The following CNTN1 variants were observed in gnomAD, a reference collection of about 807,000 sequenced individuals.
CNTN1 encodes contactin-1.
Under a neutral mutation model 126.4 loss-of-function variants are expected in CNTN1, and 38 were observed. The ratio of observed to expected loss-of-function variants is 0.30; its 90% CI spans 0.23 to 0.39. CNTN1 has a LOEUF of 0.39. CNTN1 is among the 10% of genes least tolerant of loss of function. CNTN1 has a pLI of 1.00. For missense variants in CNTN1, 1,009 were observed against 1,248.4 expected, an observed-to-expected ratio of 0.81 and a Z score of 2.89; for synonymous variants, 413 against 422.6, an observed-to-expected ratio of 0.98 and a Z score of 0.28.
chr12:40,830,483 T>A (rs1313298317), intron 1 of CNTN1, among the ~76,000 whole-genome samples: 1 of 151,596 alleles, frequency 6.6e-6, no homozygotes, highest in African/African-American at 2.4e-5. Context: ...ACATCAAACA[T>A]AAGATTTTGA....
intron 15 of CNTN1, among the ~76,000 whole-genome samples, chr12:40,965,468 T>G (rs972693938): frequency 6.6e-6 from 1 of 152,230 alleles, no homozygotes; most frequent in African/African-American, 2.4e-5. Context: ...TTACTAATTT[T>G]TACTAAATAG....
intron 1 of CNTN1, among the ~76,000 whole-genome samples, chr12:40,823,117 T>G (rs73116800): frequency 0.022 from 3,412 of 152,276 alleles, 120 homozygotes; most frequent in African/African-American, 0.078. Flanking sequence ...TATATTTTAG[T>G]AACATAATAA....
intron 1 of CNTN1, among the ~76,000 whole-genome samples, chr12:40,887,524 G>T (rs912382853): frequency 2.6e-5 from 4 of 152,090 alleles, no homozygotes; most frequent in Non-Finnish European, 5.9e-5. Flanking sequence ...ACAGGTGCTG[G>T]AGAGGATGTG....
rs865786996 is a variant in CNTN1 at position 40,944,028 on chromosome 12, C to T, written c.1541C>T (p.Ala514Val). Reference sequence around the variant, plus strand: ...CGAATTATATTGGCCCCAATTAATGCCGATATCACAGTTGGAGAAAACGCC... The same window carrying T: ...CGAATTATATTGGCCCCAATTAATGTCGATATCACAGTTGGAGAAAACGCC... Reference protein sequence around the residue: ...PTRIILAPINADITVGENATM... With the variant: ...PTRIILAPINVDITVGENATM... Residue 514 changes from alanine to valine, a missense_variant, in exon 14 of 24, where the codon GCC (alanine) becomes GTC (valine). Coordinates refer to ENST00000551295, the MANE Select transcript of CNTN1 (RefSeq NM_001843.4). 6.2e-7 allele frequency: 1 copy of T among 1,613,400 alleles called. No individual in the cohort carries two copies. The highest frequency in any genetic ancestry group is 1.7e-4 in the Middle Eastern group (1 of 6,060).
chr12:40,907,449 G>C (rs61153228), intron 1 of CNTN1, among the ~76,000 whole-genome samples: 37,039 of 152,066 alleles, frequency 0.24, 5,930 homozygotes, highest in African/African-American at 0.45. Flanking sequence ...TCACAGTGGT[G>C]GATTTTACCA....
chr12:41,033,179 C>T (rs1949182656), intron 23 of CNTN1, among the ~76,000 whole-genome samples: 1 of 152,182 alleles, frequency 6.6e-6, no homozygotes, highest in Admixed American at 6.5e-5. Flanking sequence ...TTATCCATTG[C>T]TTTAATAACT....
Position 41,016,762 on chromosome 12 carries a change from A to G in CNTN1, c.2265A>G (p.Lys755=). ...AGCCATTTGATGGAGAAGAATGGAA[A>G]AAAGTCACAGTTACTAATCCTGATA... ...AFKPFDGEEW[K]KVTVTNPDTG... is the part of the protein sequence containing the mutation. Residue 755 remains lysine (K), a synonymous_variant, in exon 19 of 24, where the codon AAA becomes AAG. Coordinates refer to ENST00000551295, the MANE Select transcript of CNTN1 (RefSeq NM_001843.4). 2 of 1,614,180 alleles carry G rather than the reference A, an allele frequency of 1.2e-6. No homozygotes were observed. The highest frequency in any genetic ancestry group is 1.7e-6 in the Non-Finnish European group (2 of 1,180,016).
At chr12:40,859,092 T>C (rs1326543322) in intron 1 of CNTN1, among the ~76,000 whole-genome samples, 2 of 152,076 alleles carry the variant, frequency 1.3e-5, no homozygotes, top group Admixed American at 6.6e-5. Context: ...TGTTGACCTA[T>C]GTAACAGACC....
chr12:40,700,221 C>T (rs1312087169), intron 1 of CNTN1, among the ~76,000 whole-genome samples: 1 of 151,706 alleles, frequency 6.6e-6, no homozygotes, highest in Non-Finnish European at 1.5e-5. Flanking sequence ...TTTTTTAAAA[C>T]TTGAATTATT....
At chr12:41,068,725 G>C (rs1388843346) in intron 23 of CNTN1, among the ~76,000 whole-genome samples, 2 of 152,288 alleles carry the variant, frequency 1.3e-5, no homozygotes, top group African/African-American at 4.8e-5. Flanking sequence ...TTATTTGGTG[G>C]TTTCAAATTT....
intron 14 of CNTN1, 56 bp downstream of exon 14, chr12:40,944,226 T>C: frequency 6.9e-7 from 1 of 1,457,838 alleles, no homozygotes; most frequent in Non-Finnish European, 9.6e-7. Context: ...TGTGTCTGCA[T>C]TGAAAGTTCT....
At chr12:40,740,025 T>A (rs1937868973) in intron 1 of CNTN1, among the ~76,000 whole-genome samples, 1 of 151,966 alleles carries the variant, frequency 6.6e-6, no homozygotes, top group South Asian at 2.1e-4. Context: ...CCTCAAAAAT[T>A]CAACATAAAT....
chr12:40,798,771 G>C (rs777962762), intron 1 of CNTN1, among the ~76,000 whole-genome samples: 4 of 151,810 alleles, frequency 2.6e-5, no homozygotes, highest in Non-Finnish European at 5.9e-5. Context: ...AAAAAATTCA[G>C]GAAAAATAAT....
chr12:40,845,422 A>G (rs1243191900), intron 1 of CNTN1, among the ~76,000 whole-genome samples: 1 of 152,214 alleles, frequency 6.6e-6, no homozygotes, highest in Non-Finnish European at 1.5e-5. Context: ...TCAAATATAT[A>G]TTATCACCTG....
At chr12:40,901,737 C>T (rs11178961) in intron 1 of CNTN1, among the ~76,000 whole-genome samples, 29,845 of 152,164 alleles carry the variant, frequency 0.2, 5,138 homozygotes, top group African/African-American at 0.47. Flanking sequence ...TGGAAGGATA[C>T]TGTTTGTAAT....
chr12:40,753,339 C>A (rs557313006), intron 1 of CNTN1, among the ~76,000 whole-genome samples: 1 of 152,224 alleles, frequency 6.6e-6, no homozygotes, highest in South Asian at 2.1e-4. Context: ...TCAGAAATAG[C>A]CACTCTCTTT....
chr12:40,711,681 C>T (rs1298952444), intron 1 of CNTN1, among the ~76,000 whole-genome samples: 1 of 145,640 alleles, frequency 6.9e-6, no homozygotes, highest in African/African-American at 2.7e-5. Flanking sequence ...TTCTTCTCCT[C>T]CTCCTCCTCC....
intron 20 of CNTN1, 73 bp from the exon 21 acceptor site, chr12:41,025,077 C>T: frequency 7.1e-7 from 1 of 1,408,306 alleles, no homozygotes; most frequent in African/African-American, 1.4e-5. Context: ...GTAATAGAAC[C>T]AGTTGAAGAG....
intron 1 of CNTN1, among the ~76,000 whole-genome samples, chr12:40,820,324 C>A (rs1251355318): frequency 1.1e-4 from 16 of 152,172 alleles, no homozygotes. Flanking sequence ...TTCCACACTG[C>A]CACATTGGGG....
Sources: allele counts gnomAD v4.1 joint callset (sites outside exome capture counted in the v4.1 genomes callset), GRCh38; gene constraint gnomAD v4.1.1; transcripts MANE v1.5; gene names NCBI Gene and HGNC (gene_info 2026-07-23, HGNC 2026-07-21).